NCKAP5: variants seen among roughly 807,000 people sequenced by gnomAD.
NCKAP5 encodes nck-associated protein 5.
Under a neutral mutation model 167.0 loss-of-function variants are expected in NCKAP5, and 92 were observed. That is an observed-to-expected ratio of 0.55 (90% CI 0.47 to 0.66). NCKAP5 has a LOEUF of 0.66. Ranked by LOEUF, NCKAP5 falls within the 30% of genes least tolerant of loss-of-function variation. The pLI, the probability that NCKAP5 is intolerant of heterozygous loss-of-function variation, is 0.00. For synonymous variants in NCKAP5, 891 were observed against 877.4 expected (o/e 1.02, Z -0.27); for missense variants, 2,378 against 2,315.0 (o/e 1.03, Z -0.56).
intron 6 of NCKAP5, among the ~76,000 whole-genome samples, chr2:132,998,572 A>C (rs748893950): frequency 2.1e-4 from 32 of 152,228 alleles, no homozygotes; most frequent in Non-Finnish European, 4.4e-4. Flanking sequence ...CCTGATAAGA[A>C]TATGCCATTA....
chr2:133,090,434 G>A (rs1228055407), intron 6 of NCKAP5, among the ~76,000 whole-genome samples: 1 of 151,926 alleles, frequency 6.6e-6, no homozygotes, highest in African/African-American at 2.4e-5. Flanking sequence ...CGTTGTGGAG[G>A]CAGTGGGAGA....
chr2:133,043,730 C>G (rs549807420), intron 6 of NCKAP5, among the ~76,000 whole-genome samples: 1 of 152,118 alleles, frequency 6.6e-6, no homozygotes, highest in Admixed American at 6.6e-5. Context: ...AGACTAAGTA[C>G]GTAATAAATG....
At chr2:133,016,852 G>C (rs1236882906) in intron 6 of NCKAP5, among the ~76,000 whole-genome samples, 1 of 152,120 alleles carries the variant, frequency 6.6e-6, no homozygotes, top group Non-Finnish European at 1.5e-5. Context: ...GGAATTAATA[G>C]ATGTGGCAAT....
At chr2:132,722,539 C>T (rs868761773) in intron 19 of NCKAP5, among the ~76,000 whole-genome samples, 2 of 152,178 alleles carry the variant, frequency 1.3e-5, no homozygotes, top group Non-Finnish European at 2.9e-5. Flanking sequence ...ACACTCCCTC[C>T]CTTCCTCATC....
chr2:133,161,828 C>T (rs1187840188), intron 5 of NCKAP5, among the ~76,000 whole-genome samples: 1 of 152,208 alleles, frequency 6.6e-6, no homozygotes, highest in African/African-American at 2.4e-5. Context: ...GCCAGAAAGA[C>T]ATGAGGTATA....
At chr2:133,359,576 T>C (rs1684961829) in intron 3 of NCKAP5, among the ~76,000 whole-genome samples, 3 of 152,216 alleles carry the variant, frequency 2.0e-5, no homozygotes, top group African/African-American at 7.2e-5. Flanking sequence ...AAAGTTATTC[T>C]ATAAATAACA....
At chr2:132,926,715 A>G (rs1293341722) in intron 8 of NCKAP5, among the ~76,000 whole-genome samples, 1 of 151,774 alleles carries the variant, frequency 6.6e-6, no homozygotes, top group South Asian at 2.1e-4. Flanking sequence ...CCACTTTTTA[A>G]TGGGGTTATT....
At chr2:133,226,604 AACACACACACAC>A (rs3051222) in intron 4 of NCKAP5, among the ~76,000 whole-genome samples, 4 of 139,182 alleles carry the variant, frequency 2.9e-5, no homozygotes, top group East Asian at 2.1e-4. Flanking sequence ...TTTGAAGATA[AACACACACACAC>A]ACACACACAC....
intron 8 of NCKAP5, among the ~76,000 whole-genome samples, chr2:132,945,394 T>C (rs1469091715): frequency 6.6e-6 from 1 of 151,974 alleles, no homozygotes; most frequent in Non-Finnish European, 1.5e-5. Context: ...GTGGCCACAG[T>C]GGCAGCAACG....
intron 3 of NCKAP5, among the ~76,000 whole-genome samples, chr2:133,513,366 C>T (rs1280475793): frequency 6.6e-6 from 1 of 152,186 alleles, no homozygotes; most frequent in Non-Finnish European, 1.5e-5. Context: ...GGAGAACAAA[C>T]ACCTCGACCT....
the NCKAP5 span, among the ~76,000 whole-genome samples, chr2:133,648,888 T>G: frequency 1.4e-5 from 2 of 139,478 alleles, no homozygotes; most frequent in African/African-American, 5.3e-5. Context: ...AGGAAGGAAG[T>G]AACAAAGATG....
At chr2:133,316,129 G>A (rs1430164) in intron 3 of NCKAP5, among the ~76,000 whole-genome samples, 1,543 of 152,182 alleles carry the variant, frequency 0.01, 35 homozygotes, top group African/African-American at 0.034. Context: ...TTGGAGAATG[G>A]TCTCCCAAAC....
the NCKAP5 span, among the ~76,000 whole-genome samples, chr2:133,591,317 A>C: frequency 6.6e-6 from 1 of 152,176 alleles, no homozygotes; most frequent in South Asian, 2.1e-4. Context: ...CTGCTGAGTG[A>C]ATGTGTTTGC....
chr2:133,496,658 G>T (rs1681976164), intron 3 of NCKAP5, among the ~76,000 whole-genome samples: 2 of 152,158 alleles, frequency 1.3e-5, no homozygotes, highest in African/African-American at 4.8e-5. Flanking sequence ...ACTCAGATCT[G>T]CTGAATCAGA....
intron 3 of NCKAP5, among the ~76,000 whole-genome samples, chr2:133,460,343 A>G (rs1248190302): frequency 1.3e-5 from 2 of 152,220 alleles, no homozygotes; most frequent in African/African-American, 2.4e-5. Flanking sequence ...TTTTAGAATT[A>G]ATGGCAGAAT....
the NCKAP5 span, among the ~76,000 whole-genome samples, chr2:133,611,240 G>C: frequency 6.6e-5 from 10 of 151,958 alleles, no homozygotes; most frequent in Non-Finnish European, 1.2e-4. Context: ...ATCTCTCAGA[G>C]ACCACCCCCA....
chr2:132,833,791 G>A (rs1687688921), intron 11 of NCKAP5, among the ~76,000 whole-genome samples: 1 of 152,150 alleles, frequency 6.6e-6, no homozygotes, highest in Non-Finnish European at 1.5e-5. Context: ...GTCAGGTAAT[G>A]TGATGCTTCC....
Position 132,784,575 on chromosome 2 carries a change from C to A in NCKAP5, c.2236G>T (p.Asp746Tyr), listed in dbSNP as rs1417667146. The A allele has an allele frequency of 6.3e-7, 1 of 1,587,322 alleles. No homozygotes were observed. The highest frequency in any genetic ancestry group is 8.6e-7 in the Non-Finnish European group (1 of 1,165,454). Reference protein sequence around the residue: ...EEDTEKNIPKDNVDNVPRVST... With the variant: ...EEDTEKNIPKYNVDNVPRVST... Reference sequence around the variant, plus strand: ...ACCCTGGGAACATTATCTACATTATCTTTTGGAATGTTTTTCTCAGTGTCC... The same window carrying A: ...ACCCTGGGAACATTATCTACATTATATTTTGGAATGTTTTTCTCAGTGTCC... Residue 746 changes from aspartate (D) to tyrosine (Y), a missense_variant, in exon 14 of 20, where the codon GAT becomes TAT. Coordinates refer to ENST00000409261, the MANE Select transcript of NCKAP5 (RefSeq NM_207363.3).
At chr2:133,549,222 C>T (rs963417369) in intron 2 of NCKAP5, among the ~76,000 whole-genome samples, 6 of 152,006 alleles carry the variant, frequency 3.9e-5, no homozygotes, top group African/African-American at 1.2e-4. Flanking sequence ...CACCCAGGTT[C>T]ATAAAGCAAG....
Sources: allele counts gnomAD v4.1 joint callset (sites outside exome capture counted in the v4.1 genomes callset), GRCh38; gene constraint gnomAD v4.1.1; transcripts MANE v1.5; gene names NCBI Gene and HGNC (gene_info 2026-07-23, HGNC 2026-07-21).